The following ZNF516 variants were observed in gnomAD, a reference collection of about 807,000 sequenced individuals.
ZNF516 encodes the protein zinc finger protein 516.
A neutral mutation model predicts 79.7 loss-of-function variants in ZNF516; 19 were observed. The observed-to-expected ratio is 0.24, with a 90% confidence interval of 0.17 to 0.35. The LOEUF is 0.35. Among genes scored for constraint, ZNF516 ranks in the 10% least tolerant of loss-of-function variants. The pLI is 1.00. For missense variants in ZNF516, 1,678 were observed against 1,679.5 expected, an observed-to-expected ratio of 1.00 and a Z score of 0.02; for synonymous variants, 877 against 739.5, an observed-to-expected ratio of 1.19 and a Z score of -3.02.
At chr18:76,380,933 C>G (rs560550958) in intron 3 of ZNF516, among the ~76,000 whole-genome samples, 1 of 152,362 alleles carries the variant, frequency 6.6e-6, no homozygotes, top group African/African-American at 2.4e-5. Flanking sequence ...CAAGGTCCCC[C>G]AGAGGCGGGT....
chr18:76,384,244 A>T (rs1274520747), intron 3 of ZNF516, among the ~76,000 whole-genome samples: 6 of 150,958 alleles, frequency 4.0e-5, no homozygotes, highest in Non-Finnish European at 8.9e-5. Context: ...CAGGCACAGG[A>T]CACACCCGTG....
intron 4 of ZNF516, chr18:76,372,645 T>C (rs988883417): frequency 1.3e-5 from 2 of 152,228 alleles, no homozygotes; most frequent in African/African-American, 4.8e-5. Context: ...AGTAGCTCAA[T>C]AGGTAAAAAC....
chr18:76,481,705 A>G (rs1568328224), intron 1 of ZNF516, among the ~76,000 whole-genome samples: 1 of 152,256 alleles, frequency 6.6e-6, no homozygotes, highest in Non-Finnish European at 1.5e-5. Context: ...CTCTGTTCAT[A>G]GTAGGCACTT....
chr18:76,388,129 T>G (rs1212657602), intron 3 of ZNF516: 2 of 152,104 alleles, frequency 1.3e-5, no homozygotes, highest in Non-Finnish European at 2.9e-5. Flanking sequence ...CCTTTCCAGC[T>G]CCTCATGCAT....
At chr18:76,489,834 G>C (rs1207383835) in intron 1 of ZNF516, among the ~76,000 whole-genome samples, 7 of 152,126 alleles carry the variant, frequency 4.6e-5, no homozygotes. Context: ...AAAGCTTTCA[G>C]AAATAAAAAT....
At chr18:76,445,116 G>T in intron 2 of ZNF516, among the ~76,000 whole-genome samples, 1 of 152,062 alleles carries the variant, frequency 6.6e-6, no homozygotes, top group Non-Finnish European at 1.5e-5. Context: ...AATTAGCCAG[G>T]CATGATGGTG....
rs1015267396 is a variant in ZNF516 at position 76,443,294 on chromosome 18, CA to C, written c.-157-84del. 3.2e-5 allele frequency: 17 copies of C among 536,720 alleles called. No homozygotes were observed. In the African/African-American group the frequency reaches 3.3e-4, roughly 10 times the overall value. The allele number at this position is 536,720 out of a possible 1,614,324, so 33.2% of individuals were successfully genotyped here. On this transcript the variant is annotated intron_variant, in intron 2 of 6. Transcript: ENST00000443185. ...GCTGCGGGAACCCCCACATGCTCCC[CA>C]AAACATACCCATCCAACCCACATTA... is the stretch of plus-strand genomic sequence containing the variant.
At chr18:76,405,846 C>T (rs1333465489) in intron 3 of ZNF516, among the ~76,000 whole-genome samples, 2 of 152,106 alleles carry the variant, frequency 1.3e-5, no homozygotes, top group South Asian at 4.1e-4. Context: ...AGGCGACTCA[C>T]CTTCCTTTGG....
intron 3 of ZNF516, among the ~76,000 whole-genome samples, chr18:76,435,183 T>C (rs1333983280): frequency 6.6e-6 from 1 of 151,886 alleles, no homozygotes; most frequent in Non-Finnish European, 1.5e-5. Flanking sequence ...CAAACCAAAA[T>C]GTCTGCCTGA....
intron 2 of ZNF516, among the ~76,000 whole-genome samples, chr18:76,449,127 T>C (rs1004674449): frequency 6.6e-6 from 1 of 152,150 alleles, no homozygotes; most frequent in East Asian, 1.9e-4. Flanking sequence ...CTTGAATCCA[T>C]GTGCCCAAGT....
chr18:76,456,048 T>C (rs1359716682), intron 2 of ZNF516, among the ~76,000 whole-genome samples: 1 of 152,210 alleles, frequency 6.6e-6, no homozygotes, highest in Non-Finnish European at 1.5e-5. Context: ...AGGAGGATGG[T>C]AGGACCCATC....
Position 76,441,482 on chromosome 18 carries a change from G to A in ZNF516, c.1573C>T (p.Arg525Cys). 6.2e-7 allele frequency: 1 copy of A among 1,601,152 alleles called. No homozygotes were observed. Among genetic ancestry groups the A allele is most frequent in the Non-Finnish European group, 8.5e-7 (1 of 1,175,280 alleles). Residue 525 changes from arginine (R) to cysteine (C), a missense_variant, in exon 3 of 7, where the codon CGC becomes TGC. By Grantham distance (180) the Arg-to-Cys change is radical. Coordinates refer to ENST00000443185, the MANE Select transcript of ZNF516 (RefSeq NM_014643.4). ...SECFECGKIF[R>C]TYHQMVLHSR... ...TGCAGCACCATCTGATGATAGGTGCGGAAGATCTTGCCGCACTCGAAGCAC... is the reference window on the plus strand; with the variant it reads ...TGCAGCACCATCTGATGATAGGTGCAGAAGATCTTGCCGCACTCGAAGCAC...
intron 3 of ZNF516, among the ~76,000 whole-genome samples, chr18:76,402,423 A>C (rs2145226244): frequency 6.6e-6 from 1 of 152,218 alleles, no homozygotes; most frequent in African/African-American, 2.4e-5. Flanking sequence ...CTTTCATCCA[A>C]GCTACAGGCG....
rs915157860 is a variant in ZNF516 at position 76,362,432 on chromosome 18, C to A, written c.*66G>T. Reference sequence around the variant, plus strand: ...CGGCCAGGTCACAGGTGGGAGGCTGCTGGGACATCGTGAGGGTACTGCTAA... The same window carrying A: ...CGGCCAGGTCACAGGTGGGAGGCTGATGGGACATCGTGAGGGTACTGCTAA... On this transcript the variant is annotated 3_prime_UTR_variant, in exon 7 of 7. Transcript: ENST00000443185. The A allele has an allele frequency of 1.3e-6, 2 of 1,531,266 alleles. No individual in the cohort carries two copies. Among genetic ancestry groups the A allele is most frequent in the Admixed American group, 3.5e-5 (2 of 56,498 alleles). 94.9% of individuals were successfully genotyped at this position (1,531,266 alleles called of 1,614,324 possible).
At chr18:76,484,141 C>A (rs920255409) in intron 1 of ZNF516, among the ~76,000 whole-genome samples, 12 of 152,204 alleles carry the variant, frequency 7.9e-5, no homozygotes, top group Non-Finnish European at 1.3e-4. Flanking sequence ...TTTCACCTCC[C>A]CTTATTCTGT....
chr18:76,437,880 A>G (rs1353674583), intron 3 of ZNF516, among the ~76,000 whole-genome samples: 2 of 152,246 alleles, frequency 1.3e-5, no homozygotes, highest in Non-Finnish European at 2.9e-5. Context: ...ACGGATACAC[A>G]GGGCCAACTG....
chr18:76,380,688 G>A (rs1323861286), intron 3 of ZNF516, among the ~76,000 whole-genome samples: 1 of 152,112 alleles, frequency 6.6e-6, no homozygotes, highest in African/African-American at 2.4e-5. Flanking sequence ...TCTACATTTA[G>A]GGCTCTTGTG....
At chr18:76,427,349 T>C (rs1019826535) in intron 3 of ZNF516, among the ~76,000 whole-genome samples, 4 of 152,204 alleles carry the variant, frequency 2.6e-5, no homozygotes, top group African/African-American at 9.7e-5. Context: ...CACACAAAGA[T>C]TGAGTCTATG....
intron 3 of ZNF516, among the ~76,000 whole-genome samples, chr18:76,436,320 A>T (rs905733316): frequency 6.6e-6 from 1 of 151,994 alleles, no homozygotes; most frequent in African/African-American, 2.4e-5. Flanking sequence ...TCCCCAGCTG[A>T]ACTGGATGCT....
Sources: allele counts gnomAD v4.1 joint callset (sites outside exome capture counted in the v4.1 genomes callset), GRCh38; gene constraint gnomAD v4.1.1; transcripts MANE v1.5; gene names NCBI Gene and HGNC (gene_info 2026-07-23, HGNC 2026-07-21).